Variants in LSM10 observed in about 807,000 individuals in gnomAD.
The protein encoded by LSM10 is LSM10, U7 small nuclear RNA associated, also known as U7 snRNA-associated Sm-like protein LSm10.
Under a neutral mutation model 5.2 loss-of-function variants are expected in LSM10, and 4 were observed. That is an observed-to-expected ratio of 0.77 (90% confidence interval 0.38 to 1.77). LSM10 has a LOEUF of 1.77. LSM10 is among the 40% of genes most tolerant of loss of function. LSM10 has a pLI of 0.04. For synonymous variants in LSM10, 63 were observed against 67.4 expected, an observed-to-expected ratio of 0.94 and a Z score of 0.32; for missense variants, 150 against 171.6, an observed-to-expected ratio of 0.87 and a Z score of 0.70.
rs1388531655 is a variant in LSM10 at position 36,394,144 on chromosome 1, T to A, written c.-15A>T. 6.2e-7 allele frequency: 1 copy of A among 1,601,652 alleles called. No individual in the cohort carries two copies. Among genetic ancestry groups the A allele is most frequent in the Admixed American group, 1.7e-5 (1 of 59,866 alleles). Reference sequence around the variant, plus strand: ...CTCACCGCCATTCTTCCACACCAGCTGCCTGCTTGCTGTGGACAGGAGCAC... The same window carrying A: ...CTCACCGCCATTCTTCCACACCAGCAGCCTGCTTGCTGTGGACAGGAGCAC... On this transcript the variant is annotated 5_prime_UTR_variant, in exon 2 of 2. Transcript: ENST00000315732.
At chr1:36,397,246 C>T (rs1647163187) in intron 1 of LSM10, among the ~76,000 whole-genome samples, 1 of 152,204 alleles carries the variant, frequency 6.6e-6, no homozygotes, top group Non-Finnish European at 1.5e-5. Context: ...TCTTACCTAT[C>T]CCTTATTTTC....
Position 36,393,508 on chromosome 1 carries a change from T to A in LSM10, c.*250A>T. On this transcript the variant is annotated 3_prime_UTR_variant, in exon 2 of 2. Transcript: ENST00000315732. The stretch of plus-strand genomic sequence containing the variant: ...CTTGACAGGTTCCATAATCAATAAG[T>A]CAGAGATTCAGATCATCAAAAAGGG... The A allele has an allele frequency of 1.8e-6, 1 of 553,606 alleles. No homozygotes were observed. The highest frequency in any genetic ancestry group is 3.1e-5 in the Admixed American group (1 of 32,550). The allele number at this position is 553,606 out of a possible 1,614,324, so 34.3% of individuals were successfully genotyped here.
chr1:36,394,970 G>T lies in LSM10; in HGVS notation c.-24-817C>A, dbSNP rs185697300. On this transcript the variant is annotated intron_variant, in intron 1 of 1. Transcript: ENST00000315732. ...AAAATACAAAAAATTAGCCAAGCGT[G>T]GTGGCACATGCCTGTAATCTCAGCT... is the stretch of plus-strand genomic sequence containing the variant. 5.3e-5 allele frequency among the ~76,000 whole-genome samples: 8 copies of T among 152,226 alleles called. No individual in the cohort carries two copies. The East Asian group carries it at 1.5e-3, about 29-fold the overall frequency.
chr1:36,393,754 G>C lies in LSM10; in HGVS notation c.*4C>G. ...CGAGTTGGGGCCAGGGCTTGCTGAG[G>C]GCCTCACTTACAGTTTTTTGGGGGA... On this transcript the variant is annotated 3_prime_UTR_variant, in exon 2 of 2. Transcript: ENST00000315732. The C allele has an allele frequency of 6.2e-7, 1 of 1,613,296 alleles. No homozygotes were observed. The highest frequency in any genetic ancestry group is 8.5e-7 in the Non-Finnish European group (1 of 1,179,638).
At chr1:36,396,139 C>T (rs978514277) in intron 1 of LSM10, among the ~76,000 whole-genome samples, 2 of 140,956 alleles carry the variant, frequency 1.4e-5, no homozygotes, top group African/African-American at 2.7e-5. Context: ...AGGAGAATGG[C>T]GTGAACCTGG....
chr1:36,394,876 C>T (rs1011536344), intron 1 of LSM10, among the ~76,000 whole-genome samples: 3 of 151,644 alleles, frequency 2.0e-5, no homozygotes, highest in Non-Finnish European at 4.4e-5. Flanking sequence ...GAGACTGAGG[C>T]GGGTGGATCA....
chr1:36,394,977 C>T (rs1647147568), intron 1 of LSM10, among the ~76,000 whole-genome samples: 1 of 151,278 alleles, frequency 6.6e-6, no homozygotes, highest in African/African-American at 2.4e-5. Context: ...CGTGGTGGCA[C>T]ATGCCTGTAA....
rs1445479549 is a variant in LSM10 at position 36,393,921 on chromosome 1, T to G, written c.209A>C (p.Asp70Ala). Residue 70 changes from aspartate to alanine, a missense_variant, in exon 2 of 2, where the codon GAT (aspartate) becomes GCT (alanine). Physicochemically the swap from Asp to Ala is moderately radical, Grantham distance 126. Coordinates refer to ENST00000315732, the MANE Select transcript of LSM10 (RefSeq NM_032881.3). The stretch of plus-strand genomic sequence containing the variant: ...ATTGCGGCCTGTCACAAAGAGGTCA[T>G]CCAGCTTGACCTGATGCCCCCAACG... ...TDRWGHQVKL[D>A]DLFVTGRNVR... The G allele has an allele frequency of 1.2e-6, 2 of 1,614,266 alleles. No homozygotes were observed. Among genetic ancestry groups the G allele is most frequent in the Non-Finnish European group, 8.5e-7 (1 of 1,180,048 alleles).
At chr1:36,396,845 G>C (rs1647161094) in intron 1 of LSM10, among the ~76,000 whole-genome samples, 1 of 152,118 alleles carries the variant, frequency 6.6e-6, no homozygotes, top group Non-Finnish European at 1.5e-5. Flanking sequence ...GGGCGCACCT[G>C]TAATCTCAGC....
Position 36,394,076 on chromosome 1 carries a change from G to A in LSM10, c.54C>T (p.Ile18=). 1 of 1,614,136 alleles carries A rather than the reference G, an allele frequency of 6.2e-7. No homozygotes were observed. The highest frequency in any genetic ancestry group is 8.5e-7 in the Non-Finnish European group (1 of 1,180,028). The part of the protein sequence containing the change: ...KERTISENSL[I]ILLQGLQGRV... ...GGCCCTGGAGGCCCTGCAGTAGGAT[G>A]ATCAGGCTGTTCTCAGAGATGGTCC... Residue 18 remains isoleucine, a synonymous_variant, in exon 2 of 2, where the codon ATC becomes ATT. Coordinates refer to ENST00000315732, the MANE Select transcript of LSM10 (RefSeq NM_032881.3).
intron 1 of LSM10, among the ~76,000 whole-genome samples, chr1:36,394,438 G>T (rs1647143608): frequency 1.3e-5 from 2 of 152,170 alleles, no homozygotes; most frequent in Admixed American, 1.3e-4. Context: ...TGAGGTAGGA[G>T]CTTCACTTGA....
At chr1:36,396,415 C>T (rs1018722732) in intron 1 of LSM10, among the ~76,000 whole-genome samples, 1 of 152,102 alleles carries the variant, frequency 6.6e-6, no homozygotes, top group Non-Finnish European at 1.5e-5. Context: ...ACATGACCCC[C>T]TACGTGAATT....
In LSM10 at chr1:36,393,507, G is replaced by A; in HGVS notation, c.*251C>T. 1 of 553,072 alleles carries A rather than the reference G, an allele frequency of 1.8e-6. No homozygotes were observed. The highest frequency in any genetic ancestry group is 3.1e-5 in the Admixed American group (1 of 32,574). The allele number at this position is 553,072 out of a possible 1,614,324, so 34.3% of individuals were successfully genotyped here. ...ACTTGACAGGTTCCATAATCAATAA[G>A]TCAGAGATTCAGATCATCAAAAAGG... On this transcript the variant is annotated 3_prime_UTR_variant, in exon 2 of 2. Transcript: ENST00000315732.
Position 36,393,440 on chromosome 1 carries a change from G to C in LSM10, c.*318C>G, listed in dbSNP as rs191351322. ...ATGGAGACACTTAGAGGTGGCTCAG[G>C]CTGAGCATGTTTAATTATCCTCACT... is the stretch of plus-strand genomic sequence containing the variant. On this transcript the variant is annotated 3_prime_UTR_variant, in exon 2 of 2. Coordinates refer to ENST00000315732, the MANE Select transcript of LSM10 (RefSeq NM_032881.3). The C allele has an allele frequency of 5.8e-3, 2,229 of 383,834 alleles. 10 individuals carry two copies. The highest frequency in any genetic ancestry group is 8.0e-3 in the Non-Finnish European group (1,645 of 204,670). The allele number at this position is 383,834 out of a possible 1,614,324, so 23.8% of individuals were successfully genotyped here.
intron 1 of LSM10, among the ~76,000 whole-genome samples, chr1:36,395,435 G>A (rs1192913872): frequency 6.6e-6 from 1 of 152,050 alleles, no homozygotes; most frequent in Non-Finnish European, 1.5e-5. Flanking sequence ...GGCTAGGAGA[G>A]GTAACTTGCC....
intron 1 of LSM10, among the ~76,000 whole-genome samples, chr1:36,396,557 G>A (rs1156253211): frequency 6.6e-6 from 1 of 152,238 alleles, no homozygotes; most frequent in Non-Finnish European, 1.5e-5. Context: ...TCAGGTCTGA[G>A]GTGAGGCCCA....
intron 1 of LSM10, 33 bp from the exon 2 acceptor site, chr1:36,394,186 G>A: frequency 4.5e-6 from 7 of 1,563,302 alleles, no homozygotes; most frequent in Non-Finnish European, 6.1e-6. Flanking sequence ...GGCAGCTATA[G>A]CAGGGTAGGG....
At chr1:36,395,042 G>C (rs948338672) in intron 1 of LSM10, among the ~76,000 whole-genome samples, 1 of 152,190 alleles carries the variant, frequency 6.6e-6, no homozygotes, top group Non-Finnish European at 1.5e-5. Context: ...AGGAGGCAGA[G>C]GTTGCAATGA....
chr1:36,395,052 A>G (rs555676088), intron 1 of LSM10, among the ~76,000 whole-genome samples: 7 of 152,332 alleles, frequency 4.6e-5, no homozygotes, highest in African/African-American at 1.7e-4. Context: ...GGTTGCAATG[A>G]GCCAAGATTG....
Sources: allele counts gnomAD v4.1 joint callset (sites outside exome capture counted in the v4.1 genomes callset), GRCh38; gene constraint gnomAD v4.1.1; transcripts MANE v1.5; gene names NCBI Gene and HGNC (gene_info 2026-07-23, HGNC 2026-07-21).